Variants in ALG9 observed in about 807,000 individuals in gnomAD.
ALG9 encodes the protein ALG9 alpha-1,2-mannosyltransferase, also known as alpha-1,2-mannosyltransferase ALG9.
A neutral mutation model predicts 81.8 loss-of-function variants in ALG9; 55 were observed. The ratio of observed to expected loss-of-function variants is 0.67; its 90% confidence interval spans 0.54 to 0.84. The LOEUF is 0.84. ALG9 is among the 40% of genes least tolerant of loss of function. ALG9 has a pLI of 0.00. For missense variants in ALG9, 629 were observed against 745.0 expected (o/e 0.84, Z 1.81); for synonymous variants, 278 against 274.3 (o/e 1.01, Z -0.13).
chr11:111,800,353 C>A (rs563621236), intron 14 of ALG9, among the ~76,000 whole-genome samples: 1 of 151,864 alleles, frequency 6.6e-6, no homozygotes, highest in African/African-American at 2.4e-5. Flanking sequence ...TGGTGGCACG[C>A]GCCTGTAGTC....
intron 13 of ALG9, among the ~76,000 whole-genome samples, chr11:111,812,843 G>A (rs1555092785): frequency 2.0e-5 from 3 of 147,954 alleles, no homozygotes; most frequent in Non-Finnish European, 4.4e-5. Flanking sequence ...TTTGAACCCC[G>A]GAGGCAGTGG....
intron 13 of ALG9, chr11:111,829,061 C>T (rs1452668012): frequency 6.6e-6 from 1 of 152,148 alleles, no homozygotes; most frequent in Non-Finnish European, 1.5e-5. Flanking sequence ...ACTTGAATTA[C>T]AACCAGAGAG....
intron 14 of ALG9, among the ~76,000 whole-genome samples, chr11:111,788,038 A>G (rs1293661272): frequency 6.6e-6 from 1 of 152,216 alleles, no homozygotes; most frequent in Non-Finnish European, 1.5e-5. Flanking sequence ...TAAATTCTGT[A>G]TGGAGTATTA....
intron 14 of ALG9, among the ~76,000 whole-genome samples, chr11:111,806,140 G>A (rs782420030): frequency 2.6e-5 from 4 of 152,052 alleles, no homozygotes; most frequent in Admixed American, 6.6e-5. Context: ...GATTACAGGT[G>A]TGAGCCACCG....
chr11:111,824,446 G>A (rs1592085514), intron 13 of ALG9, among the ~76,000 whole-genome samples: 1 of 152,154 alleles, frequency 6.6e-6, no homozygotes, highest in Non-Finnish European at 1.5e-5. Context: ...GGGACCAGAG[G>A]AAGACAAATA....
At chr11:111,833,732 T>C (rs1555114970) in intron 13 of ALG9, among the ~76,000 whole-genome samples, 1 of 152,234 alleles carries the variant, frequency 6.6e-6, no homozygotes, top group East Asian at 1.9e-4. Flanking sequence ...AAATCACTTG[T>C]TTTTCCCTGC....
intron 11 of ALG9, 94 bp from the exon 12 acceptor site, chr11:111,837,709 A>G: frequency 1.2e-5 from 17 of 1,427,224 alleles, no homozygotes; most frequent in Non-Finnish European, 1.5e-5. Context: ...TGTAAGCCAC[A>G]GGAAATTTAA....
chr11:111,846,127 A>G (rs1387625988), intron 8 of ALG9, among the ~76,000 whole-genome samples: 2 of 152,230 alleles, frequency 1.3e-5, no homozygotes, highest in African/African-American at 4.8e-5. Context: ...CTGAATCTTA[A>G]TTAGAATTTA....
chr11:111,859,626 C>T (rs1555146228), intron 5 of ALG9, among the ~76,000 whole-genome samples: 2 of 152,078 alleles, frequency 1.3e-5, no homozygotes, highest in Non-Finnish European at 2.9e-5. Context: ...GCTGTCAGTT[C>T]CAGCTGCAGT....
chr11:111,822,866 T>C (rs1252478445), intron 13 of ALG9, among the ~76,000 whole-genome samples: 2 of 151,762 alleles, frequency 1.3e-5, no homozygotes, highest in Non-Finnish European at 2.9e-5. Flanking sequence ...CTACTAAAAA[T>C]ACAACAAATT....
At chr11:111,787,830 T>C (rs545211517) in intron 14 of ALG9, among the ~76,000 whole-genome samples, 1 of 152,264 alleles carries the variant, frequency 6.6e-6, no homozygotes, top group African/African-American at 2.4e-5. Context: ...TGTGAGGAAG[T>C]GGCATTATTA....
chr11:111,831,358 G>A (rs1387187403), intron 13 of ALG9, among the ~76,000 whole-genome samples: 3 of 152,074 alleles, frequency 2.0e-5, no homozygotes, highest in African/African-American at 7.2e-5. Flanking sequence ...CATAGAGACA[G>A]GGTCTTTACA....
intron 14 of ALG9, among the ~76,000 whole-genome samples, chr11:111,797,917 G>A (rs1251303647): frequency 1.3e-5 from 2 of 152,122 alleles, no homozygotes; most frequent in South Asian, 2.1e-4. Context: ...TCCCCAACTT[G>A]CCCTTTGACT....
downstream of ALG9, among the ~76,000 whole-genome samples, chr11:111,779,942 G>T (rs567011118): frequency 6.6e-6 from 1 of 152,008 alleles, no homozygotes; most frequent in Non-Finnish European, 1.5e-5. Flanking sequence ...TATTTCTCAC[G>T]TGTTGGTTAT....
At chr11:111,852,359 G>A (rs1411511595) in intron 8 of ALG9, among the ~76,000 whole-genome samples, 3 of 152,136 alleles carry the variant, frequency 2.0e-5, no homozygotes, top group African/African-American at 4.8e-5. Flanking sequence ...TGTAACTAAC[G>A]CAAATTCCTT....
rs1555059319 is a variant in ALG9, at chr11:111,783,851, G to A, written c.*2546C>T. On this transcript the variant is annotated 3_prime_UTR_variant, in exon 15 of 15. Coordinates refer to ENST00000616540, the MANE Select transcript of ALG9 (RefSeq NM_024740.2). ...TCAGGTTTTAAAAGTGATAGGAACT[G>A]ATATTTCCAAGGAATCCCTGCATCA... 6.6e-6 allele frequency: 1 copy of A among 151,108 alleles called. No homozygotes were observed. 9.4% of individuals were successfully genotyped at this position (151,108 alleles called of 1,614,324 possible).
chr11:111,866,155 G>C (rs1044622226), intron 3 of ALG9, among the ~76,000 whole-genome samples: 3 of 152,220 alleles, frequency 2.0e-5, no homozygotes, highest in African/African-American at 7.2e-5. Flanking sequence ...AAATTAGCCA[G>C]GCATGGTGGC....
intron 12 of ALG9, 44 bp downstream of exon 12, chr11:111,837,424 T>C (rs782002279): frequency 1.2e-6 from 2 of 1,610,546 alleles, no homozygotes; most frequent in African/African-American, 1.3e-5. Context: ...AACTGCTCTA[T>C]TTACTCCTTC....
At chr11:111,795,047 A>G (rs1347124097) in intron 14 of ALG9, among the ~76,000 whole-genome samples, 2 of 152,142 alleles carry the variant, frequency 1.3e-5, no homozygotes, top group Non-Finnish European at 2.9e-5. Context: ...TGCAAAGGTG[A>G]CTTACAACCC....
Sources: allele counts gnomAD v4.1 joint callset (sites outside exome capture counted in the v4.1 genomes callset), GRCh38; gene constraint gnomAD v4.1.1; transcripts MANE v1.5; gene names NCBI Gene and HGNC (gene_info 2026-07-23, HGNC 2026-07-21).